The following DACH2 variants were observed in gnomAD, a reference collection of about 807,000 sequenced individuals.
The protein encoded by DACH2 is dachshund homolog 2.
DACH2 carries 17 observed loss-of-function variants against 35.8 expected under a neutral mutation model. The ratio of observed to expected loss-of-function variants is 0.48; its 90% CI spans 0.33 to 0.71. The LOEUF (loss-of-function observed/expected upper bound fraction) is 0.71. DACH2 is among the 30% of genes least tolerant of loss of function. The pLI, the probability that DACH2 is intolerant of heterozygous loss-of-function variation, is 0.02. For synonymous variants in DACH2, 195 were observed against 177.3 expected (o/e 1.10, Z -0.79); for missense variants, 469 against 472.7 (o/e 0.99, Z 0.07).
intron 3 of DACH2, among the ~76,000 whole-genome samples, chrX:86,603,894 C>G (rs1358621113): frequency 1.8e-5 from 2 of 111,048 alleles, no homozygotes; most frequent in Admixed American, 1.9e-4. Context: ...TTGACTTCTT[C>G]TTTGCCATGG....
At position 86,148,977 on chromosome X, in the gene DACH2, C is replaced by T. The variant is rs2030262292; in HGVS notation, c.357C>T (p.Ser119=). 1 of 1,208,993 alleles carries T rather than the reference C, an allele frequency of 8.3e-7. No individual in the cohort carries two copies. Among genetic ancestry groups the T allele is most frequent in the African/African-American group, 1.8e-5 (1 of 56,836 alleles). The change falls in exon 1 of 12, where the codon TCC becomes TCT. Residue 119 remains serine, a synonymous_variant. Transcript: ENST00000373125. ...CCAAGCTGAAGAGACTGGATATATCCCCCGTGGTGTGTACTGTTGAGCAGG... is the reference window on the plus strand; with the variant it reads ...CCAAGCTGAAGAGACTGGATATATCTCCCGTGGTGTGTACTGTTGAGCAGG... ...VYTKLKRLDI[S]PVVCTVEQVR... is the part of the protein sequence containing the mutation.
chrX:86,270,446 C>T (rs2033795241), intron 1 of DACH2, among the ~76,000 whole-genome samples: 1 of 111,567 alleles, frequency 9.0e-6, no homozygotes, highest in African/African-American at 3.3e-5. Context: ...TCTCCACATA[C>T]ACACTTGTGA....
At chrX:86,776,834 G>A (rs1360216347) in intron 7 of DACH2, among the ~76,000 whole-genome samples, 3 of 111,248 alleles carry the variant, frequency 2.7e-5, no homozygotes, top group African/African-American at 6.5e-5. Flanking sequence ...GAGAACATGC[G>A]GTGTTTGGTT....
At chrX:86,247,474 C>T (rs1266588775) in intron 1 of DACH2, among the ~76,000 whole-genome samples, 1 of 111,356 alleles carries the variant, frequency 9.0e-6, no homozygotes, top group African/African-American at 3.3e-5. Flanking sequence ...AAAAAACACC[C>T]AGTGATTATT....
chrX:86,206,446 G>T (rs916086222), intron 1 of DACH2, among the ~76,000 whole-genome samples: 2 of 111,764 alleles, frequency 1.8e-5, no homozygotes, highest in African/African-American at 3.3e-5. Context: ...CTGTCTAAAT[G>T]AACACTGTTG....
At chrX:86,802,474 A>T (rs1268241245) in intron 7 of DACH2, among the ~76,000 whole-genome samples, 1 of 106,200 alleles carries the variant, frequency 9.4e-6, no homozygotes, top group Non-Finnish European at 1.9e-5. Flanking sequence ...TCAGAACAGT[A>T]AATTTCCCTT....
chrX:86,321,850 C>T (rs1279684207), intron 1 of DACH2, among the ~76,000 whole-genome samples: 1 of 111,946 alleles, frequency 8.9e-6, no homozygotes, highest in Non-Finnish European at 1.9e-5. Context: ...CTGCATATAT[C>T]CTTCTTTATT....
At chrX:86,216,016 A>G (rs2032562372) in intron 1 of DACH2, among the ~76,000 whole-genome samples, 1 of 111,659 alleles carries the variant, frequency 9.0e-6, no homozygotes, top group Non-Finnish European at 1.9e-5. Context: ...ATCTATATAT[A>G]CCTATCAAAT....
At chrX:86,639,766 C>T (rs1020363402) in intron 3 of DACH2, among the ~76,000 whole-genome samples, 4 of 111,473 alleles carry the variant, frequency 3.6e-5, no homozygotes, top group East Asian at 2.8e-4. Context: ...TAGTTCCAGC[C>T]ATCAGGCTTT....
At chrX:86,407,573 T>A (rs907514085) in intron 2 of DACH2, among the ~76,000 whole-genome samples, 4 of 112,365 alleles carry the variant, frequency 3.6e-5, no homozygotes, top group Non-Finnish European at 7.5e-5. Context: ...AATTTTGAAC[T>A]GTATTCTGTT....
intron 7 of DACH2, among the ~76,000 whole-genome samples, chrX:86,742,941 T>G (rs1483398930): frequency 9.0e-6 from 1 of 111,381 alleles, no homozygotes; most frequent in African/African-American, 3.3e-5. Context: ...AATTTTTCTG[T>G]GCATATAGTT....
intron 3 of DACH2, among the ~76,000 whole-genome samples, chrX:86,530,499 T>TCTC (rs772104405): frequency 1.8e-4 from 20 of 109,730 alleles, no homozygotes; most frequent in Non-Finnish European, 3.2e-4. Flanking sequence ...CTCTCTCTCT[T>TCTC]TCTCTCTCTT....
intron 1 of DACH2, chrX:86,345,447 G>A: frequency 3.4e-6 from 1 of 296,176 alleles, no homozygotes; most frequent in Admixed American, 3.5e-5. Context: ...GGAAAGGAAG[G>A]AAAGATTGTA....
At chrX:86,474,977 A>G (rs1187790926) in intron 2 of DACH2, among the ~76,000 whole-genome samples, 2 of 110,534 alleles carry the variant, frequency 1.8e-5, no homozygotes, top group African/African-American at 6.6e-5. Context: ...CAGGTGATCC[A>G]CCCTCCTCTG....
chrX:86,554,142 T>C (rs907667851), intron 3 of DACH2, among the ~76,000 whole-genome samples: 1 of 111,472 alleles, frequency 9.0e-6, no homozygotes, highest in African/African-American at 3.3e-5. Context: ...TGAACACAAA[T>C]GAGAAGTTAA....
chrX:86,795,268 C>A, intron 7 of DACH2, among the ~76,000 whole-genome samples: 1 of 99,880 alleles, frequency 1.0e-5, no homozygotes, highest in Non-Finnish European at 2.0e-5. Context: ...AATCTTCGCT[C>A]TGTCACCCAG....
intron 3 of DACH2, among the ~76,000 whole-genome samples, chrX:86,589,388 A>T (rs1054622703): frequency 1.8e-5 from 2 of 111,215 alleles, no homozygotes; most frequent in Admixed American, 1.9e-4. Flanking sequence ...TAAAAAAATC[A>T]TATTATTTAT....
intron 6 of DACH2, among the ~76,000 whole-genome samples, chrX:86,736,536 C>CA (rs1215350049): frequency 9.0e-6 from 1 of 111,123 alleles, no homozygotes; most frequent in Non-Finnish European, 1.9e-5. Context: ...TAGTTAATAT[C>CA]AATTGCATTT....
chrX:86,512,975 G>C, intron 2 of DACH2: 1 of 324,936 alleles, frequency 3.1e-6, no homozygotes, highest in South Asian at 2.7e-5. Flanking sequence ...GAGAAAAACA[G>C]AATCTTTTGC....
Sources: gnomAD v4.1 joint callset for allele counts (sites outside exome capture counted in the v4.1 genomes callset) on GRCh38, gnomAD v4.1.1 for gene constraint, MANE v1.5 for transcripts, NCBI Gene and HGNC (gene_info 2026-07-23, HGNC 2026-07-21) for gene names.